The following FILIP1L variants were observed in gnomAD, a reference collection of about 807,000 sequenced individuals.
The protein encoded by FILIP1L is filamin A-interacting protein 1-like.
A neutral mutation model predicts 96.6 loss-of-function variants in FILIP1L; 55 were observed. That is an observed-to-expected ratio of 0.57 (90% CI 0.46 to 0.71). FILIP1L has a LOEUF of 0.71. Among genes scored for constraint, FILIP1L ranks in the 30% least tolerant of loss-of-function variants. FILIP1L has a pLI of 0.00. For missense variants in FILIP1L, 1,304 were observed against 1,321.2 expected (o/e 0.99, Z 0.20); for synonymous variants, 467 against 473.9 (o/e 0.99, Z 0.19).
intron 4 of FILIP1L, among the ~76,000 whole-genome samples, chr3:99,916,673 C>G (rs1373017804): frequency 1.3e-5 from 2 of 152,078 alleles, no homozygotes; most frequent in Non-Finnish European, 2.9e-5. Context: ...ATGCTTTGCC[C>G]AAGGTCAAAT....
At chr3:99,891,671 C>G in intron 4 of FILIP1L, among the ~76,000 whole-genome samples, 1 of 152,008 alleles carries the variant, frequency 6.6e-6, no homozygotes, top group East Asian at 1.9e-4. Flanking sequence ...AATCTCATAC[C>G]GAAAATCAGC....
chr3:99,941,446 A>G (rs1356045244), intron 1 of FILIP1L, among the ~76,000 whole-genome samples: 2 of 152,328 alleles, frequency 1.3e-5, no homozygotes, highest in East Asian at 3.9e-4. Context: ...TGGAGAATGA[A>G]AAAGGGTTCC....
At chr3:99,846,655 C>T (rs895087022) in intron 5 of FILIP1L, among the ~76,000 whole-genome samples, 26 of 152,182 alleles carry the variant, frequency 1.7e-4, no homozygotes, top group African/African-American at 5.3e-4. Context: ...AAGCCCATAG[C>T]GTTGGTGTTG....
chr3:100,017,490 C>G (rs1489527506), intron 1 of FILIP1L, among the ~76,000 whole-genome samples: 1 of 152,196 alleles, frequency 6.6e-6, no homozygotes, highest in African/African-American at 2.4e-5. Flanking sequence ...ATACCTGGCA[C>G]CTACCAAATG....
intron 4 of FILIP1L, among the ~76,000 whole-genome samples, chr3:99,861,559 G>A (rs1045896012): frequency 6.6e-6 from 1 of 152,068 alleles, no homozygotes; most frequent in African/African-American, 2.4e-5. Flanking sequence ...AGTTGATTTT[G>A]TACTCTCTGT....
intron 4 of FILIP1L, among the ~76,000 whole-genome samples, chr3:99,905,522 A>G (rs1180087655): frequency 6.6e-6 from 1 of 152,158 alleles, no homozygotes; most frequent in African/African-American, 2.4e-5. Context: ...CATAATCATT[A>G]TTTCTCCATT....
At chr3:99,871,447 A>G (rs888622317) in intron 4 of FILIP1L, among the ~76,000 whole-genome samples, 2 of 152,218 alleles carry the variant, frequency 1.3e-5, no homozygotes, top group African/African-American at 2.4e-5. Flanking sequence ...GCTGGTTGTA[A>G]AACTGACCCT....
chr3:100,016,876 A>G (rs1347358870), intron 1 of FILIP1L, among the ~76,000 whole-genome samples: 2 of 152,252 alleles, frequency 1.3e-5, no homozygotes, highest in African/African-American at 4.8e-5. Flanking sequence ...ATCTAATGGC[A>G]AAGTGAGAAT....
intron 1 of FILIP1L, among the ~76,000 whole-genome samples, chr3:99,952,970 T>G (rs989379862): frequency 2.0e-5 from 3 of 152,164 alleles, no homozygotes; most frequent in Non-Finnish European, 2.9e-5. Flanking sequence ...TCTCATTGAT[T>G]TGGTTTTTGT....
intron 4 of FILIP1L, among the ~76,000 whole-genome samples, chr3:99,895,823 T>G (rs774274619): frequency 1.3e-5 from 2 of 152,188 alleles, no homozygotes; most frequent in African/African-American, 2.4e-5. Flanking sequence ...AGGTGCCTCC[T>G]TAAAAGACTG....
chr3:99,975,740 T>G (rs746502967), intron 1 of FILIP1L, among the ~76,000 whole-genome samples: 5 of 152,182 alleles, frequency 3.3e-5, no homozygotes, highest in Non-Finnish European at 7.3e-5. Flanking sequence ...GAGTATATAC[T>G]CATATCAAGG....
chr3:99,969,927 A>G (rs1246710962), intron 1 of FILIP1L, among the ~76,000 whole-genome samples: 1 of 152,242 alleles, frequency 6.6e-6, no homozygotes, highest in Non-Finnish European at 1.5e-5. Context: ...GACATCAATG[A>G]GAAAAGATAA....
At chr3:100,113,623 G>A (rs532323557) in intron 1 of FILIP1L, among the ~76,000 whole-genome samples, 174 of 152,258 alleles carry the variant, frequency 1.1e-3, no homozygotes, top group African/African-American at 3.9e-3. Context: ...AACCTATTCA[G>A]TATAATTCTC....
At chr3:100,085,051 C>T (rs568263434) in intron 1 of FILIP1L, among the ~76,000 whole-genome samples, 197 of 152,288 alleles carry the variant, frequency 1.3e-3, no homozygotes, top group African/African-American at 4.6e-3. Flanking sequence ...TGGTACAGAT[C>T]TCTGCTGAAT....
intron 1 of FILIP1L, among the ~76,000 whole-genome samples, chr3:99,936,542 A>AAT (rs1707679470): frequency 7.3e-6 from 1 of 136,404 alleles, no homozygotes; most frequent in African/African-American, 2.9e-5. Flanking sequence ...CACCCAGCTA[A>AAT]TTTTTGTATT....
intron 1 of FILIP1L, among the ~76,000 whole-genome samples, chr3:99,959,347 G>A (rs761112526): frequency 1.1e-4 from 16 of 152,184 alleles, no homozygotes; most frequent in African/African-American, 1.9e-4. Context: ...GCGGGGTTTC[G>A]CCATGCTGGC....
chr3:100,049,182 G>A (rs986345386), intron 1 of FILIP1L, among the ~76,000 whole-genome samples: 4 of 152,164 alleles, frequency 2.6e-5, no homozygotes, highest in African/African-American at 9.6e-5. Context: ...ATACCTTTGG[G>A]AACACATATC....
At chr3:100,010,484 A>G (rs975936744) in intron 1 of FILIP1L, among the ~76,000 whole-genome samples, 4 of 152,156 alleles carry the variant, frequency 2.6e-5, no homozygotes, top group Non-Finnish European at 5.9e-5. Flanking sequence ...AGAAAGGACC[A>G]TGCTTACTTC....
chr3:99,956,825 C>G (rs1191753182), intron 1 of FILIP1L, among the ~76,000 whole-genome samples: 1 of 152,172 alleles, frequency 6.6e-6, no homozygotes, highest in Non-Finnish European at 1.5e-5. Context: ...CCCACTCTGC[C>G]AGTTTCTCTT....
Sources: gnomAD v4.1 joint callset for allele counts (sites outside exome capture counted in the v4.1 genomes callset) on GRCh38, gnomAD v4.1.1 for gene constraint, MANE v1.5 for transcripts, NCBI Gene and HGNC (gene_info 2026-07-23, HGNC 2026-07-21) for gene names.